EFCAB9: variants seen among roughly 807,000 people sequenced by gnomAD.
EFCAB9 encodes EF-hand calcium-binding domain-containing protein 9.
In EFCAB9, 16 loss-of-function variants were observed where a neutral mutation model predicts 15.6. The observed-to-expected ratio is 1.03, with a 90% CI of 0.69 to 1.56. EFCAB9 has a LOEUF of 1.56. Ranked by LOEUF, EFCAB9 falls within the 40% of genes most tolerant of loss-of-function variation. The probability of loss-of-function intolerance (pLI) is 0.00; values close to 1 mark genes in which losing one functional copy is unlikely to be tolerated. For missense variants in EFCAB9, 208 were observed against 235.4 expected, an observed-to-expected ratio of 0.88 and a Z score of 0.76; for synonymous variants, 76 against 85.4, an observed-to-expected ratio of 0.89 and a Z score of 0.61.
rs898978566 is a variant in EFCAB9, at chr5:172,201,648, T to C, written c.462+906T>C. Among the ~76,000 whole-genome samples the C allele has an allele frequency of 3.3e-5, 5 of 152,058 alleles. No individual in the cohort carries two copies. In the East Asian group the frequency reaches 9.6e-4, roughly 29 times the overall value. On this transcript the variant is annotated intron_variant, in intron 3 of 3. Transcript: ENST00000398186. Reference sequence around the variant, plus strand: ...AATATAATATGACAGTAGTTTAGTGTTGGGGGAAGAGTTTGTAGATTTGAA... The same window carrying C: ...AATATAATATGACAGTAGTTTAGTGCTGGGGGAAGAGTTTGTAGATTTGAA...
intron 3 of EFCAB9, among the ~76,000 whole-genome samples, chr5:172,200,961 G>A (rs563789561): frequency 2.0e-5 from 3 of 152,312 alleles, no homozygotes; most frequent in East Asian, 3.9e-4. Context: ...GGCCAGGCTC[G>A]GGGGCTCATG....
chr5:172,197,937 A>G (rs1771188389), intron 1 of EFCAB9, among the ~76,000 whole-genome samples: 1 of 152,086 alleles, frequency 6.6e-6, no homozygotes, highest in Non-Finnish European at 1.5e-5. Flanking sequence ...CTGCATTTAC[A>G]ATCCTTTAGT....
At chr5:172,201,746 C>T (rs1771259467) in intron 3 of EFCAB9, among the ~76,000 whole-genome samples, 1 of 151,808 alleles carries the variant, frequency 6.6e-6, no homozygotes, top group African/African-American at 2.4e-5. Flanking sequence ...CTGTGGTGCG[C>T]ACCTGTAGTC....
intron 2 of EFCAB9, 63 bp downstream of exon 2, chr5:172,199,594 C>G: frequency 6.6e-7 from 1 of 1,507,262 alleles, no homozygotes; most frequent in Non-Finnish European, 8.8e-7. Context: ...AGGAATGCAT[C>G]AGAAGTTTTC....
intron 2 of EFCAB9, among the ~76,000 whole-genome samples, chr5:172,200,030 G>T (rs942513543): frequency 5.5e-5 from 8 of 145,776 alleles, no homozygotes; most frequent in African/African-American, 2.0e-4. Context: ...TCCACCATCT[G>T]GGTTCAATAG....
chr5:172,202,202 A>T (rs10051988), intron 3 of EFCAB9, among the ~76,000 whole-genome samples: 1 of 151,708 alleles, frequency 6.6e-6, no homozygotes, highest in Admixed American at 6.6e-5. Flanking sequence ...CTAGCTGGGC[A>T]TGGTGGCAGG....
intron 1 of EFCAB9, among the ~76,000 whole-genome samples, chr5:172,195,847 G>T (rs541479284): frequency 6.6e-6 from 1 of 151,962 alleles, no homozygotes; most frequent in East Asian, 1.9e-4. Flanking sequence ...TCGCTCTGTC[G>T]CCCAGAAGTG....
At chr5:172,199,301 T>C in intron 1 of EFCAB9, 82 bp from the exon 2 acceptor site, 7 of 1,436,986 alleles carry the variant, frequency 4.9e-6, no homozygotes, top group Non-Finnish European at 5.6e-6. Context: ...CCAACATCAC[T>C]ACCATTTACA....
intron 1 of EFCAB9, among the ~76,000 whole-genome samples, chr5:172,198,617 T>TTTG (rs1301933161): frequency 1.3e-5 from 2 of 152,048 alleles, no homozygotes; most frequent in South Asian, 2.1e-4. Context: ...GGGAATGACT[T>TTTG]TTGTTGTTGT....
intron 1 of EFCAB9, among the ~76,000 whole-genome samples, chr5:172,197,354 GC>G (rs1771181065): frequency 6.6e-6 from 1 of 152,094 alleles, no homozygotes; most frequent in African/African-American, 2.4e-5. Context: ...TAATCCGCCT[GC>G]CTCAGCCTCC....
intron 1 of EFCAB9, among the ~76,000 whole-genome samples, chr5:172,195,039 C>A (rs554953666): frequency 1.3e-4 from 19 of 151,910 alleles, no homozygotes; most frequent in Non-Finnish European, 1.5e-4. Flanking sequence ...GGAGCTGAGC[C>A]CCACTCAGGC....
intron 1 of EFCAB9, among the ~76,000 whole-genome samples, chr5:172,196,946 A>G (rs1771174437): frequency 6.6e-6 from 1 of 152,178 alleles, no homozygotes; most frequent in Non-Finnish European, 1.5e-5. Flanking sequence ...AAAACTTCCC[A>G]GTTCTTTAAA....
chr5:172,202,977 C>T (rs907288267), intron 3 of EFCAB9, among the ~76,000 whole-genome samples: 1 of 152,152 alleles, frequency 6.6e-6, no homozygotes, highest in Middle Eastern at 3.4e-3. Context: ...CCGGCCTGGG[C>T]GACAGAGAGA....
intron 1 of EFCAB9, among the ~76,000 whole-genome samples, chr5:172,195,124 T>C (rs1200255999): frequency 5.3e-5 from 8 of 151,284 alleles, no homozygotes; most frequent in Non-Finnish European, 1.2e-4. Flanking sequence ...GCAGGATCCC[T>C]TCTACTTATT....
intron 1 of EFCAB9, among the ~76,000 whole-genome samples, chr5:172,198,708 C>T (rs1292584609): frequency 6.6e-6 from 1 of 152,072 alleles, no homozygotes; most frequent in Non-Finnish European, 1.5e-5. Flanking sequence ...CCTCCGCCTC[C>T]CGGGTTCAAG....
intron 3 of EFCAB9, among the ~76,000 whole-genome samples, chr5:172,202,348 A>G (rs531141819): frequency 1.3e-5 from 2 of 150,250 alleles, no homozygotes; most frequent in South Asian, 2.1e-4. Context: ...AAAAAAAAAA[A>G]AAAAAAAAGA....
chr5:172,203,390 C>A lies in EFCAB9; in HGVS notation c.*45C>A. On this transcript the variant is annotated 3_prime_UTR_variant, in exon 4 of 4. Coordinates refer to ENST00000398186, the MANE Select transcript of EFCAB9 (RefSeq NM_001171183.2). Reference sequence around the variant, plus strand: ...TGGAAAAAAATGGGATCTGAAAGTACAGAACATGAACATTGATGAAGACTG... The same window carrying A: ...TGGAAAAAAATGGGATCTGAAAGTAAAGAACATGAACATTGATGAAGACTG... 6.6e-7 allele frequency: 1 copy of A among 1,510,120 alleles called. No individual in the cohort carries two copies. 93.5% of individuals were successfully genotyped at this position (1,510,120 alleles called of 1,614,324 possible).
chr5:172,202,707 C>CA (rs904999655), intron 3 of EFCAB9, among the ~76,000 whole-genome samples: 1,806 of 128,440 alleles, frequency 0.014, 40 homozygotes, highest in African/African-American at 0.046. Context: ...GACCCCGTCT[C>CA]AAAAAAAAAA....
chr5:172,202,639 C>T (rs1012316851), intron 3 of EFCAB9, among the ~76,000 whole-genome samples: 3 of 151,568 alleles, frequency 2.0e-5, no homozygotes, highest in Admixed American at 6.6e-5. Context: ...ACCCGGGAGG[C>T]GGAGGTTGCA....
Sources: allele counts gnomAD v4.1 joint callset (sites outside exome capture counted in the v4.1 genomes callset), GRCh38; gene constraint gnomAD v4.1.1; transcripts MANE v1.5; gene names NCBI Gene and HGNC (gene_info 2026-07-23, HGNC 2026-07-21).